SPATA6: variants seen among roughly 807,000 people sequenced by gnomAD.
SPATA6 encodes spermatogenesis associated 6.
In SPATA6, 56 loss-of-function variants were observed where a neutral mutation model predicts 65.3. The ratio of observed to expected loss-of-function variants is 0.86; its 90% CI spans 0.69 to 1.07. The LOEUF (loss-of-function observed/expected upper bound fraction) is 1.07. Ranked by LOEUF, SPATA6 falls within the 50% of genes least tolerant of loss-of-function variation. SPATA6 has a pLI of 0.00. For synonymous variants in SPATA6, 199 were observed against 213.2 expected, an observed-to-expected ratio of 0.93 and a Z score of 0.58; for missense variants, 590 against 594.8, an observed-to-expected ratio of 0.99 and a Z score of 0.08.
the SPATA6 span, among the ~76,000 whole-genome samples, chr1:48,270,821 C>T: frequency 1.3e-5 from 2 of 151,842 alleles, no homozygotes; most frequent in African/African-American, 2.4e-5. Flanking sequence ...CCATCAGGCT[C>T]CTCAGCTTGA....
chr1:48,325,704 C>A, intron 11 of SPATA6: 1 of 557,604 alleles, frequency 1.8e-6, no homozygotes, highest in South Asian at 1.8e-5. Flanking sequence ...CCCGTCTTCT[C>A]AATTCCTTTC....
chr1:48,380,908 G>A (rs1648493287), intron 9 of SPATA6, among the ~76,000 whole-genome samples: 1 of 152,128 alleles, frequency 6.6e-6, no homozygotes, highest in Non-Finnish European at 1.5e-5. Context: ...TCAGTACCAG[G>A]AACCAGTTTT....
At chr1:48,359,557 G>A in intron 10 of SPATA6, 29 bp downstream of exon 10, 2 of 1,605,774 alleles carry the variant, frequency 1.2e-6, no homozygotes, top group Non-Finnish European at 1.7e-6. Flanking sequence ...TCAAAGATCA[G>A]TACAGAAATG....
intron 11 of SPATA6, among the ~76,000 whole-genome samples, chr1:48,336,526 G>T (rs991709976): frequency 6.6e-6 from 1 of 151,848 alleles, no homozygotes; most frequent in Non-Finnish European, 1.5e-5. Context: ...AAGTAATGCA[G>T]GAACATAAAA....
At chr1:48,279,153 G>A in the SPATA6 span, among the ~76,000 whole-genome samples, 1 of 152,102 alleles carries the variant, frequency 6.6e-6, no homozygotes, top group African/African-American at 2.4e-5. Flanking sequence ...TCACCACCAG[G>A]CCTGCCCTAA....
chr1:48,285,044 C>T, the SPATA6 span, among the ~76,000 whole-genome samples: 3 of 152,198 alleles, frequency 2.0e-5, no homozygotes, highest in Non-Finnish European at 2.9e-5. Flanking sequence ...CCCCTTCCCC[C>T]AGGTGCTCTG....
At chr1:48,281,782 G>A in the SPATA6 span, among the ~76,000 whole-genome samples, 1 of 152,062 alleles carries the variant, frequency 6.6e-6, no homozygotes, top group African/African-American at 2.4e-5. Context: ...TAGATTCAAT[G>A]CCATCCCCAT....
At chr1:48,400,858 A>G (rs1241937756) in intron 6 of SPATA6, 4 of 1,263,898 alleles carry the variant, frequency 3.2e-6, no homozygotes, top group East Asian at 5.9e-5. Context: ...AATGATTTCA[A>G]AAAGTAATTC....
At chr1:48,417,768 G>T (rs1213508386) in intron 3 of SPATA6, among the ~76,000 whole-genome samples, 1 of 149,674 alleles carries the variant, frequency 6.7e-6, no homozygotes, top group Non-Finnish European at 1.5e-5. Context: ...AGGTTGCAGT[G>T]ACCCGAGATC....
chr1:48,471,571 G>A (rs1170118971), intron 1 of SPATA6, among the ~76,000 whole-genome samples: 2 of 152,166 alleles, frequency 1.3e-5, no homozygotes, highest in Non-Finnish European at 2.9e-5. Context: ...CCCAGACTTG[G>A]GAAAGGCGGG....
At chr1:48,303,009 A>G (rs79118188) in intron 12 of SPATA6, among the ~76,000 whole-genome samples, 1 of 152,086 alleles carries the variant, frequency 6.6e-6, no homozygotes, top group Non-Finnish European at 1.5e-5. Flanking sequence ...CCAGTATTTC[A>G]ATATGACTTC....
intron 1 of SPATA6, among the ~76,000 whole-genome samples, chr1:48,457,487 A>C (rs1269435759): frequency 6.6e-6 from 1 of 152,216 alleles, no homozygotes; most frequent in Non-Finnish European, 1.5e-5. Flanking sequence ...AGAAGAGAGA[A>C]TCTTGAAAAC....
At position 48,472,127 on chromosome 1, in the gene SPATA6, C is replaced by T. The variant is rs1658316392; in HGVS notation, c.-119G>A. The T allele has an allele frequency of 2.5e-6, 2 of 789,088 alleles. No homozygotes were observed. The highest frequency in any genetic ancestry group is 3.8e-4 in the Middle Eastern group (1 of 2,638). The allele number at this position is 789,088 out of a possible 1,614,324, so 48.9% of individuals were successfully genotyped here. ...GTGGCGGCGGCGGTGGCAGCAGTGG[C>T]CCCCAGGCCGGGGCCCGCGGTCCAG... On this transcript the variant is annotated 5_prime_UTR_variant, in exon 1 of 13. Transcript: ENST00000371847.
the SPATA6 span, among the ~76,000 whole-genome samples, chr1:48,265,804 C>T: frequency 6.6e-5 from 10 of 152,268 alleles, no homozygotes; most frequent in African/African-American, 2.4e-4. Context: ...TTTGGAACCA[C>T]TGACCTTGAA....
At chr1:48,441,409 G>C (rs1206999051) in intron 3 of SPATA6, among the ~76,000 whole-genome samples, 1 of 152,196 alleles carries the variant, frequency 6.6e-6, no homozygotes, top group Non-Finnish European at 1.5e-5. Flanking sequence ...GTTGTAATTG[G>C]GAGACTTTGC....
chr1:48,436,105 A>G, intron 3 of SPATA6: 1 of 1,610,032 alleles, frequency 6.2e-7, no homozygotes. Flanking sequence ...CACTAGAGCC[A>G]GTGAAGTACT....
At chr1:48,308,706 G>A (rs1423961182) in intron 11 of SPATA6, among the ~76,000 whole-genome samples, 2 of 151,966 alleles carry the variant, frequency 1.3e-5, no homozygotes, top group African/African-American at 4.8e-5. Flanking sequence ...CAGTTTTGCT[G>A]GATATTCATG....
At position 48,442,201 on chromosome 1, in the gene SPATA6, G is replaced by T. The variant is rs535752302; in HGVS notation, c.238+9351C>A. On this transcript the variant is annotated intron_variant, in intron 3 of 12. Transcript: ENST00000371847. ...CTTGAAAGTAAGCCTCTTCCCCCAG[G>T]GACTGGCGCCCAGTTAGCAGAACTA... 1.7e-4 allele frequency among the ~76,000 whole-genome samples: 26 copies of T among 152,254 alleles called. No individual in the cohort carries two copies. The East Asian group carries it at 4.4e-3, about 26-fold the overall frequency.
rs1380573500 is a variant in SPATA6 at position 48,297,460 on chromosome 1, T to G, written c.*1253A>C. The G allele has an allele frequency of 6.6e-6, 1 of 152,190 alleles. No homozygotes were observed. The highest frequency in any genetic ancestry group is 1.5e-5 in the Non-Finnish European group (1 of 68,020). 9.4% of individuals were successfully genotyped at this position (152,190 alleles called of 1,614,324 possible). On this transcript the variant is annotated 3_prime_UTR_variant, in exon 13 of 13. Coordinates refer to ENST00000371847, the MANE Select transcript of SPATA6 (RefSeq NM_019073.4). ...TACTAAAGCACCCTTAACATGATGT[T>G]AACAAGTTCTACTACAAAAATAAGT...
Sources: gnomAD v4.1 joint callset for allele counts (sites outside exome capture counted in the v4.1 genomes callset) on GRCh38, gnomAD v4.1.1 for gene constraint, MANE v1.5 for transcripts, NCBI Gene and HGNC (gene_info 2026-07-23, HGNC 2026-07-21) for gene names.